The following MOB3B variants were observed in gnomAD, a reference collection of about 807,000 sequenced individuals.
MOB3B encodes the protein MOB kinase activator-like 2B.
A neutral mutation model predicts 18.7 loss-of-function variants in MOB3B; 7 were observed. The ratio of observed to expected loss-of-function variants is 0.37; its 90% confidence interval spans 0.21 to 0.70. The LOEUF (loss-of-function observed/expected upper bound fraction) is 0.70, where lower values mean the gene tolerates loss of function less well. MOB3B is among the 30% of genes least tolerant of loss of function. MOB3B has a pLI of 0.52. For missense variants in MOB3B, 253 were observed against 281.3 expected (o/e 0.90, Z 0.72); for synonymous variants, 111 against 99.9 (o/e 1.11, Z -0.66).
intron 2 of MOB3B, among the ~76,000 whole-genome samples, chr9:27,443,982 T>C (rs1322501339): frequency 1.3e-5 from 2 of 152,058 alleles, no homozygotes; most frequent in East Asian, 3.9e-4. Context: ...AACCACAGCA[T>C]GTTCTCTCTG....
At chr9:27,366,704 A>C (rs1821347669) in intron 2 of MOB3B, among the ~76,000 whole-genome samples, 1 of 152,116 alleles carries the variant, frequency 6.6e-6, no homozygotes, top group African/African-American at 2.4e-5. Flanking sequence ...TGAGACTCTG[A>C]TCTGTGATCG....
chr9:27,340,907 G>C (rs1820931136), intron 3 of MOB3B, among the ~76,000 whole-genome samples: 1 of 152,256 alleles, frequency 6.6e-6, no homozygotes, highest in Non-Finnish European at 1.5e-5. Flanking sequence ...TGTCAGCGCA[G>C]CTGGATTGGT....
intron 1 of MOB3B, among the ~76,000 whole-genome samples, chr9:27,498,952 G>A (rs891462034): frequency 6.6e-6 from 1 of 152,192 alleles, no homozygotes; most frequent in African/African-American, 2.4e-5. Context: ...GATTCAGGAA[G>A]AAGAGGATCT....
At chr9:27,459,876 CAA>C (rs35792761) in intron 1 of MOB3B, among the ~76,000 whole-genome samples, 1,571 of 86,702 alleles carry the variant, frequency 0.018, 11 homozygotes, top group Middle Eastern at 0.053. Context: ...TTTCAGTCTC[CAA>C]AAAAAAAAAA....
chr9:27,371,984 A>G (rs1295096305), intron 2 of MOB3B, among the ~76,000 whole-genome samples: 3 of 152,244 alleles, frequency 2.0e-5, no homozygotes, highest in African/African-American at 7.2e-5. Context: ...CTGACAGCTT[A>G]ATTTTAAAAA....
intron 2 of MOB3B, among the ~76,000 whole-genome samples, chr9:27,449,862 C>A (rs181223720): frequency 6.6e-6 from 1 of 151,974 alleles, no homozygotes; most frequent in Admixed American, 6.6e-5. Context: ...CCTGTGACCC[C>A]AGCTACTCAG....
intron 1 of MOB3B, among the ~76,000 whole-genome samples, chr9:27,496,475 T>A (rs1245163972): frequency 6.6e-6 from 1 of 152,228 alleles, no homozygotes; most frequent in Admixed American, 6.5e-5. Flanking sequence ...GGACGTCACA[T>A]GTAAGGACAG....
intron 2 of MOB3B, among the ~76,000 whole-genome samples, chr9:27,454,385 A>G (rs1822838013): frequency 6.6e-6 from 1 of 152,236 alleles, no homozygotes; most frequent in Non-Finnish European, 1.5e-5. Flanking sequence ...CAGTGGACAT[A>G]GGAGATTGCG....
intron 2 of MOB3B, among the ~76,000 whole-genome samples, chr9:27,395,782 C>A (rs1821789281): frequency 6.6e-6 from 1 of 152,192 alleles, no homozygotes; most frequent in South Asian, 2.1e-4. Context: ...AGGGCTGAGT[C>A]AGGCTCAGCC....
At chr9:27,506,363 A>G (rs1413802401) in intron 1 of MOB3B, among the ~76,000 whole-genome samples, 1 of 152,174 alleles carries the variant, frequency 6.6e-6, no homozygotes, top group Non-Finnish European at 1.5e-5. Flanking sequence ...CTAGAGAACC[A>G]GGTAATTTGC....
In MOB3B at chr9:27,402,111, C is replaced by A. The variant is rs10115648; in HGVS notation, c.419-42875G>T. On this transcript the variant is annotated intron_variant, in intron 2 of 3. Transcript: ENST00000262244. ...TATAAAATGGAAATAATAAAGTCAA[C>A]TTTGCAGAGTTCTTGGGAATGTTAA... Among the ~76,000 whole-genome samples, 1,117 of 152,298 alleles carry A rather than the reference C, an allele frequency of 7.3e-3. 10 individuals are homozygous for A. Among genetic ancestry groups the A allele is most frequent in the African/African-American group, 0.025 (1,028 of 41,570 alleles).
At chr9:27,372,870 G>C (rs1173026418) in intron 2 of MOB3B, among the ~76,000 whole-genome samples, 1 of 152,218 alleles carries the variant, frequency 6.6e-6, no homozygotes, top group Admixed American at 6.5e-5. Flanking sequence ...AATAACAGTA[G>C]TGTTCATGTG....
chr9:27,473,080 C>T (rs1040367561), intron 1 of MOB3B, among the ~76,000 whole-genome samples: 2 of 152,132 alleles, frequency 1.3e-5, no homozygotes, highest in African/African-American at 4.8e-5. Context: ...ATTTGCTCTC[C>T]CTTAATTTTC....
chr9:27,490,940 A>G (rs982285530), intron 1 of MOB3B, among the ~76,000 whole-genome samples: 4 of 151,548 alleles, frequency 2.6e-5, no homozygotes, highest in Non-Finnish European at 5.9e-5. Context: ...CAGAATAAAA[A>G]GAGTATTTAT....
chr9:27,418,435 A>T lies in MOB3B; in HGVS notation c.418+36698T>A, dbSNP rs189759904. Among the ~76,000 whole-genome samples the T allele has an allele frequency of 1.7e-4, 26 of 152,084 alleles. 1 individual carries two copies. The East Asian group carries it at 4.6e-3, about 27-fold the overall frequency. The stretch of plus-strand genomic sequence containing the variant: ...GATGAACATAGATGCTAAAATCCTT[A>T]AAAAAAATACTAGCTAACCAAATCC... On this transcript the variant is annotated intron_variant, in intron 2 of 3. Coordinates refer to ENST00000262244, the MANE Select transcript of MOB3B (RefSeq NM_024761.5).
intron 2 of MOB3B, among the ~76,000 whole-genome samples, chr9:27,385,437 A>T (rs1229206042): frequency 1.3e-5 from 2 of 152,098 alleles, no homozygotes; most frequent in African/African-American, 4.8e-5. Context: ...TGGAGGTTTT[A>T]CAAAGGTGCC....
At chr9:27,497,814 T>A (rs1011317823) in intron 1 of MOB3B, among the ~76,000 whole-genome samples, 2 of 152,254 alleles carry the variant, frequency 1.3e-5, no homozygotes, top group African/African-American at 4.8e-5. Context: ...TAACTTCTTG[T>A]ATGTAAATAA....
chr9:27,455,846 C>T (rs1034772423), intron 1 of MOB3B, 98 bp from the exon 2 acceptor site: 12 of 1,234,132 alleles, frequency 9.7e-6, no homozygotes, highest in African/African-American at 1.5e-5. Context: ...CTTGGCTGTG[C>T]CCACTCTCCA....
intron 2 of MOB3B, among the ~76,000 whole-genome samples, chr9:27,372,342 T>C (rs1287849876): frequency 6.6e-6 from 1 of 152,204 alleles, no homozygotes; most frequent in Non-Finnish European, 1.5e-5. Flanking sequence ...GAGTTCACAC[T>C]GATATAAATA....
Sources: gnomAD v4.1 joint callset for allele counts (sites outside exome capture counted in the v4.1 genomes callset) on GRCh38, gnomAD v4.1.1 for gene constraint, MANE v1.5 for transcripts, NCBI Gene and HGNC (gene_info 2026-07-23, HGNC 2026-07-21) for gene names.